NHSL1: variants seen among roughly 807,000 people sequenced by gnomAD.
The protein encoded by NHSL1 is NHS-like protein 1.
In NHSL1, 48 loss-of-function variants were observed where a neutral mutation model predicts 95.0. The observed-to-expected ratio is 0.51, with a 90% CI of 0.40 to 0.64. The LOEUF (loss-of-function observed/expected upper bound fraction) is 0.64. NHSL1 is among the 30% of genes least tolerant of loss of function. NHSL1 has a pLI of 0.00. For missense variants in NHSL1, 1,971 were observed against 2,077.7 expected (o/e 0.95, Z 1.00); for synonymous variants, 783 against 833.9 (o/e 0.94, Z 1.05).
In NHSL1 at chr6:138,666,941, A is replaced by AT. The variant is rs989333121; in HGVS notation, c.96+25534dup. ...AATATATTCACGGATTCCAGATTCA[A>AT]TTTTTTTTTAAATCCAACAATGTTT... On this transcript the variant is annotated intron_variant, in intron 1 of 3. Coordinates refer to the NHSL1 transcript ENST00000491526. 2.0e-5 allele frequency among the ~76,000 whole-genome samples: 3 copies of AT among 151,876 alleles called. No individual in the cohort carries two copies. The East Asian group carries it at 5.8e-4, about 29-fold the overall frequency.
At chr6:138,657,814 C>CAAAAAAAAAAAAA (rs1051789759) in intron 1 of NHSL1, among the ~76,000 whole-genome samples, 43 of 32,792 alleles carry the variant, frequency 1.3e-3, no homozygotes, top group Non-Finnish European at 1.6e-3. Flanking sequence ...GACTCCATCT[C>CAAAAAAAAAAAAA]AAAAAAAAAA....
chr6:138,555,079 A>G (rs1783144286), intron 1 of NHSL1, among the ~76,000 whole-genome samples: 1 of 152,166 alleles, frequency 6.6e-6, no homozygotes, highest in Non-Finnish European at 1.5e-5. Flanking sequence ...GAGTCTTGCC[A>G]CGGTGCATAA....
At chr6:138,503,454 G>GAAGA (rs1359398467), upstream of NHSL1, among the ~76,000 whole-genome samples, 4 of 152,006 alleles carry the variant, frequency 2.6e-5, no homozygotes, top group Non-Finnish European at 5.9e-5. Context: ...AGTAAAAGAA[G>GAAGA]AAGACTATTT....
chr6:138,577,962 C>T (rs1783996475), intron 1 of NHSL1, among the ~76,000 whole-genome samples: 1 of 152,162 alleles, frequency 6.6e-6, no homozygotes, highest in African/African-American at 2.4e-5. Context: ...AGGAATGAAA[C>T]AAGTGATTGT....
At chr6:138,426,586 T>C (rs1176871309) in intron 7 of NHSL1, among the ~76,000 whole-genome samples, 4 of 152,204 alleles carry the variant, frequency 2.6e-5, no homozygotes, top group Admixed American at 2.6e-4. Context: ...AACCTTTGAA[T>C]GTCACATAGA....
At chr6:138,625,644 A>T (rs1784727610) in intron 1 of NHSL1, among the ~76,000 whole-genome samples, 2 of 70,382 alleles carry the variant, frequency 2.8e-5, no homozygotes, top group East Asian at 8.6e-4. Flanking sequence ...TTTTAATTAA[A>T]AAAAAAAAAA....
Position 138,430,693 on chromosome 6 carries a change from C to G in NHSL1, c.3652G>C (p.Glu1218Gln), listed in dbSNP as rs991112107. 44 of 1,551,618 alleles carry G rather than the reference C, an allele frequency of 2.8e-5. No individual in the cohort carries two copies. Among genetic ancestry groups the G allele is most frequent in the African/African-American group, 4.1e-5 (3 of 73,040 alleles). Residue 1218 changes from glutamate to glutamine, a missense_variant, in exon 6 of 8, where the codon GAG becomes CAG. Transcript: ENST00000343505. This position sits in a 1 kb window ranked among gnomAD's most constrained non-coding sequence, Gnocchi z 4.7. The part of the protein sequence containing the change: ...PQKDFAVEPA[E>Q]NVSEALRAVP... Reference sequence around the variant, plus strand: ...GCTCGGAGGGCTTCGCTCACGTTCTCTGCGGGCTCCACTGCAAAATCTTTC... The same window carrying G: ...GCTCGGAGGGCTTCGCTCACGTTCTGTGCGGGCTCCACTGCAAAATCTTTC...
upstream of NHSL1, among the ~76,000 whole-genome samples, chr6:138,577,300 A>G (rs1783986330): frequency 6.6e-6 from 1 of 152,248 alleles, no homozygotes; most frequent in African/African-American, 2.4e-5. Flanking sequence ...AGCCAAAAAT[A>G]GGAACTAATT....
chr6:138,636,845 T>C (rs1454726292), intron 1 of NHSL1, among the ~76,000 whole-genome samples: 1 of 152,180 alleles, frequency 6.6e-6, no homozygotes, highest in African/African-American at 2.4e-5. Flanking sequence ...TCCAAAGCAA[T>C]GTACAGATTC....
intron 1 of NHSL1, among the ~76,000 whole-genome samples, chr6:138,521,120 C>T (rs1781662077): frequency 6.6e-6 from 1 of 152,188 alleles, no homozygotes; most frequent in African/African-American, 2.4e-5. Flanking sequence ...CACCAATTAG[C>T]TAATGCCAAC....
chr6:138,503,832 G>A (rs60091720), upstream of NHSL1, among the ~76,000 whole-genome samples: 1 of 151,872 alleles, frequency 6.6e-6, no homozygotes, highest in African/African-American at 2.4e-5. Flanking sequence ...AATCTGCTTT[G>A]CCCCCCAAAC....
chr6:138,613,273 G>A (rs750607305), intron 1 of NHSL1, among the ~76,000 whole-genome samples: 3 of 152,230 alleles, frequency 2.0e-5, no homozygotes, highest in Non-Finnish European at 2.9e-5. Context: ...GTTTCTGATC[G>A]AGGTGGAGTT....
intron 1 of NHSL1, chr6:138,650,257 G>A: frequency 1.5e-6 from 1 of 645,582 alleles, no homozygotes. Flanking sequence ...GACACCCAGT[G>A]GAAAAGCAGG....
chr6:138,447,914 C>T (rs565485378), intron 3 of NHSL1, among the ~76,000 whole-genome samples: 1 of 152,218 alleles, frequency 6.6e-6, no homozygotes, highest in African/African-American at 2.4e-5. Flanking sequence ...ATCTTATTTC[C>T]TTTAGGCTCT....
intron 1 of NHSL1, among the ~76,000 whole-genome samples, chr6:138,561,168 C>A (rs1203419282): frequency 6.6e-6 from 1 of 152,184 alleles, no homozygotes; most frequent in Non-Finnish European, 1.5e-5. Context: ...TAAGCTATGT[C>A]TTAAAACATA....
intron 1 of NHSL1, among the ~76,000 whole-genome samples, chr6:138,644,012 A>T (rs1413805956): frequency 1.3e-5 from 2 of 151,914 alleles, no homozygotes; most frequent in African/African-American, 4.8e-5. Flanking sequence ...AAAAAAAAAA[A>T]AAAAAGCTAA....
At chr6:138,561,689 A>G (rs557819359) in intron 1 of NHSL1, among the ~76,000 whole-genome samples, 6 of 152,344 alleles carry the variant, frequency 3.9e-5, no homozygotes, top group South Asian at 2.1e-4. Flanking sequence ...TGCCCGCCAC[A>G]TGAGGCACAC....
At chr6:138,571,911 T>C in exon 1 of NHSL1, 1 of 1,551,030 alleles carries the variant, frequency 6.4e-7, no homozygotes, top group South Asian at 1.2e-5. Context: ...TCCTTTTTCA[T>C]CTTCTTTTCA....
intron 1 of NHSL1, among the ~76,000 whole-genome samples, chr6:138,691,563 T>A (rs981218598): frequency 6.6e-6 from 1 of 152,130 alleles, no homozygotes; most frequent in African/African-American, 2.4e-5. Context: ...TACATCAACA[T>A]CTCCCCTCCC....
Sources: gnomAD v4.1 joint callset for allele counts (sites outside exome capture counted in the v4.1 genomes callset) on GRCh38, gnomAD v4.1.1 for gene constraint, Gnocchi (gnomAD v3.1) non-coding constraint, MANE v1.5 for transcripts, NCBI Gene and HGNC (gene_info 2026-07-23, HGNC 2026-07-21) for gene names.